HS3ST4: variants seen among roughly 807,000 people sequenced by gnomAD.
HS3ST4 encodes the protein heparan sulfate-glucosamine 3-sulfotransferase 4.
In HS3ST4, 17 loss-of-function variants were observed where a neutral mutation model predicts 29.2. The observed-to-expected ratio is 0.58, with a 90% CI of 0.40 to 0.87. HS3ST4 has a LOEUF of 0.87. HS3ST4 is among the 40% of genes least tolerant of loss of function. The pLI is 0.00. For synonymous variants in HS3ST4, 314 were observed against 285.7 expected, an observed-to-expected ratio of 1.10 and a Z score of -1.00; for missense variants, 627 against 634.5, an observed-to-expected ratio of 0.99 and a Z score of 0.13.
At chr16:25,797,975 G>A (rs1966898128) in intron 1 of HS3ST4, among the ~76,000 whole-genome samples, 1 of 152,188 alleles carries the variant, frequency 6.6e-6, no homozygotes, top group African/African-American at 2.4e-5. Context: ...CATGGCAGAG[G>A]CCATATGACA....
chr16:25,854,003 T>TACCTGATCA (rs1272089434), intron 1 of HS3ST4, among the ~76,000 whole-genome samples: 1 of 152,222 alleles, frequency 6.6e-6, no homozygotes, highest in African/African-American at 2.4e-5. Context: ...GGTATTTGAT[T>TACCTGATCA]ACTGATTTGA....
intron 1 of HS3ST4, among the ~76,000 whole-genome samples, chr16:25,889,157 T>C (rs893063653): frequency 6.6e-6 from 1 of 152,216 alleles, no homozygotes; most frequent in Non-Finnish European, 1.5e-5. Context: ...TGAAATTGAT[T>C]TCTTTAATGG....
chr16:26,056,040 CAGAGAGAGAGAGAGAGAGAGAGAG>C (rs55688033), intron 1 of HS3ST4, among the ~76,000 whole-genome samples: 2 of 147,840 alleles, frequency 1.4e-5, no homozygotes, highest in African/African-American at 2.5e-5. Context: ...AAGAGAGAGA[CAGAGAGAGAGAGAGAGAGAGAGAG>C]AGAGAGAGAG....
intron 1 of HS3ST4, among the ~76,000 whole-genome samples, chr16:25,985,036 C>T (rs960678823): frequency 1.3e-5 from 2 of 152,178 alleles, no homozygotes; most frequent in East Asian, 1.9e-4. Context: ...ACATAGTTAT[C>T]GAGAGTGCTG....
intron 1 of HS3ST4, among the ~76,000 whole-genome samples, chr16:26,006,300 GAAAAAAAAAAAA>G (rs11461863): frequency 2.9e-5 from 2 of 68,668 alleles, no homozygotes; most frequent in East Asian, 5.6e-4. Context: ...CTCTGTTTCA[GAAAAAAAAAAAA>G]AAAAAAAAAA....
At chr16:25,833,713 G>A (rs897194186) in intron 1 of HS3ST4, among the ~76,000 whole-genome samples, 9 of 152,140 alleles carry the variant, frequency 5.9e-5, no homozygotes, top group African/African-American at 2.2e-4. Flanking sequence ...CCGTGGACAG[G>A]GGAGACTCAG....
chr16:25,987,969 C>T (rs112600093), intron 1 of HS3ST4, among the ~76,000 whole-genome samples: 17,579 of 152,118 alleles, frequency 0.12, 1,163 homozygotes, highest in South Asian at 0.16. Flanking sequence ...CGGGGTTTCA[C>T]CATATTGGCC....
chr16:25,831,625 G>A (rs1026727983), intron 1 of HS3ST4, among the ~76,000 whole-genome samples: 2 of 151,700 alleles, frequency 1.3e-5, no homozygotes, highest in Non-Finnish European at 2.9e-5. Context: ...TAAAAATTTT[G>A]CATATTGACC....
chr16:25,899,663 G>A (rs572654216), intron 1 of HS3ST4, among the ~76,000 whole-genome samples: 2 of 149,188 alleles, frequency 1.3e-5, no homozygotes, highest in Admixed American at 6.6e-5. Flanking sequence ...ATGCCACCAC[G>A]CTCAGCTATT....
At chr16:25,911,810 G>A (rs923698183) in intron 1 of HS3ST4, among the ~76,000 whole-genome samples, 15 of 151,912 alleles carry the variant, frequency 9.9e-5, no homozygotes, top group Admixed American at 6.6e-4. Context: ...TGCCTGACTC[G>A]GATTTTGTTT....
At chr16:25,821,984 T>C (rs531208955) in intron 1 of HS3ST4, among the ~76,000 whole-genome samples, 1 of 152,326 alleles carries the variant, frequency 6.6e-6, no homozygotes, top group Non-Finnish European at 1.5e-5. Context: ...ATGAATCAGA[T>C]GTCTCATAGA....
At chr16:25,715,775 A>T (rs1308192681) in intron 1 of HS3ST4, among the ~76,000 whole-genome samples, 1 of 152,230 alleles carries the variant, frequency 6.6e-6, no homozygotes, top group African/African-American at 2.4e-5. Context: ...TCAGTGCATC[A>T]GGTACAACAA....
chr16:25,921,153 A>G (rs1344995220), intron 1 of HS3ST4, among the ~76,000 whole-genome samples: 1 of 152,218 alleles, frequency 6.6e-6, no homozygotes, highest in African/African-American at 2.4e-5. Context: ...TGTAGTGCCC[A>G]GAATGGGGCT....
intron 1 of HS3ST4, among the ~76,000 whole-genome samples, chr16:26,077,934 G>A (rs1010108498): frequency 3.3e-5 from 5 of 152,142 alleles, no homozygotes; most frequent in Admixed American, 1.3e-4. Context: ...GATTAGCCAG[G>A]CTTGGCGGTA....
At chr16:25,794,263 C>T (rs1567241221) in intron 1 of HS3ST4, among the ~76,000 whole-genome samples, 3 of 152,056 alleles carry the variant, frequency 2.0e-5, no homozygotes, top group Non-Finnish European at 4.4e-5. Flanking sequence ...CATTATAAAA[C>T]ATGATACTTC....
chr16:25,879,732 T>C (rs1967874167), intron 1 of HS3ST4, among the ~76,000 whole-genome samples: 1 of 152,154 alleles, frequency 6.6e-6, no homozygotes, highest in South Asian at 2.1e-4. Context: ...GGTGATGTAT[T>C]AGTCTCTTCT....
chr16:26,040,515 G>C (rs1231454591), intron 1 of HS3ST4, among the ~76,000 whole-genome samples: 1 of 151,904 alleles, frequency 6.6e-6, no homozygotes, highest in Non-Finnish European at 1.5e-5. Flanking sequence ...ATGTTGGCCA[G>C]GGTGGTCTCC....
At chr16:25,814,359 C>T (rs183214449) in intron 1 of HS3ST4, among the ~76,000 whole-genome samples, 31 of 139,302 alleles carry the variant, frequency 2.2e-4, no homozygotes, top group East Asian at 1.0e-3. Context: ...TTGGCGGGGG[C>T]GGGGGGAGAT....
intron 1 of HS3ST4, among the ~76,000 whole-genome samples, chr16:25,854,654 C>T (rs1967557299): frequency 6.6e-6 from 1 of 152,044 alleles, no homozygotes; most frequent in Non-Finnish European, 1.5e-5. Flanking sequence ...ATTTTTGCCT[C>T]TCCTGTTGAC....
Sources: allele counts gnomAD v4.1 joint callset (sites outside exome capture counted in the v4.1 genomes callset), GRCh38; gene constraint gnomAD v4.1.1; transcripts MANE v1.5; gene names NCBI Gene and HGNC (gene_info 2026-07-23, HGNC 2026-07-21).